PFKFB4: variants seen among roughly 807,000 people sequenced by gnomAD.
PFKFB4 encodes the protein 6-phosphofructo-2-kinase/fructose-2,6-bisphosphatase 4.
PFKFB4 carries 42 observed loss-of-function variants against 62.8 expected under a neutral mutation model. The ratio of observed to expected loss-of-function variants is 0.67; its 90% CI spans 0.52 to 0.86. PFKFB4 has a LOEUF of 0.86. PFKFB4 is among the 40% of genes least tolerant of loss of function. The pLI is 0.00. For synonymous variants in PFKFB4, 204 were observed against 240.7 expected (o/e 0.85, Z 1.41); for missense variants, 475 against 627.2 (o/e 0.76, Z 2.59).
intron 1 of PFKFB4, among the ~76,000 whole-genome samples, chr3:48,553,618 G>A (rs1367586451): frequency 6.6e-6 from 1 of 152,238 alleles, no homozygotes; most frequent in African/African-American, 2.4e-5. Flanking sequence ...GGGCCCAAGG[G>A]GCCTGAGACG....
At chr3:48,546,597 C>T (rs1044410497) in intron 3 of PFKFB4, among the ~76,000 whole-genome samples, 6 of 152,292 alleles carry the variant, frequency 3.9e-5, no homozygotes, top group South Asian at 2.1e-4. Flanking sequence ...TGAGAATGGT[C>T]CCCTTCGAAA....
upstream of PFKFB4, among the ~76,000 whole-genome samples, chr3:48,558,072 C>T (rs1003638859): frequency 6.6e-6 from 1 of 152,122 alleles, no homozygotes; most frequent in Non-Finnish European, 1.5e-5. Context: ...TTAAGTATGT[C>T]AATCTCTAAG....
upstream of PFKFB4, chr3:48,556,988 C>T: frequency 7.2e-7 from 1 of 1,380,836 alleles, no homozygotes; most frequent in Non-Finnish European, 9.3e-7. This position sits in a 1 kb window ranked among gnomAD's most constrained non-coding sequence, Gnocchi z 5.7. Context: ...CTCACCTACC[C>T]GCCCGTTTTG....
intron 9 of PFKFB4, among the ~76,000 whole-genome samples, chr3:48,534,952 G>A (rs1187505108): frequency 6.6e-6 from 1 of 151,972 alleles, no homozygotes; most frequent in Non-Finnish European, 1.5e-5. Context: ...GGGATTACAG[G>A]TACCCACCAC....
chr3:48,525,109 T>TCTCCCCAA (rs929232204), intron 10 of PFKFB4, among the ~76,000 whole-genome samples: 6 of 151,874 alleles, frequency 4.0e-5, no homozygotes, highest in African/African-American at 9.7e-5. Context: ...CCTGCCATGG[T>TCTCCCCAA]CTCCCCAACT....
intron 13 of PFKFB4, 123 bp from the exon 14 acceptor site, chr3:48,519,929 AAG>A: frequency 1.4e-6 from 1 of 733,112 alleles, no homozygotes; most frequent in South Asian, 1.6e-5. Context: ...CCACAGCCGC[AAG>A]ACTCTAGACC....
chr3:48,538,520 A>G lies in PFKFB4; in HGVS notation c.610T>C (p.Ser204Pro), dbSNP rs1398296056. The G allele has an allele frequency of 6.2e-7, 1 of 1,613,672 alleles. No homozygotes were observed. Among genetic ancestry groups the G allele is most frequent in the East Asian group, 2.2e-5 (1 of 44,870 alleles). The change falls in exon 7 of 14, where the codon TCG (serine) becomes CCG (proline). Residue 204 changes from serine to proline, a missense_variant. Physicochemically the swap from Ser to Pro is moderately conservative, Grantham distance 74 (BLOSUM62 -1). Coordinates refer to ENST00000232375, the MANE Select transcript of PFKFB4 (RefSeq NM_004567.4). ...RIECYENSYE[S>P]LDEDLDRDLS... ...CACCTATCCAGGTCCTCATCTAGCG[A>G]CTCGTAGGAGTTCTCATAGCACTCA...
chr3:48,528,879 G>C (rs2042345140), intron 9 of PFKFB4, among the ~76,000 whole-genome samples: 2 of 152,166 alleles, frequency 1.3e-5, no homozygotes, highest in African/African-American at 4.8e-5. Flanking sequence ...GGTAGCTTAA[G>C]GCAGAAGGAA....
chr3:48,545,134 GTGTTTTT>G (rs1441055012), intron 3 of PFKFB4, among the ~76,000 whole-genome samples: 6 of 150,758 alleles, frequency 4.0e-5, no homozygotes, highest in Admixed American at 6.6e-5. Flanking sequence ...TCCTAGCTTT[GTGTTTTT>G]TGTTTTTTGA....
chr3:48,536,058 A>G lies in PFKFB4; in HGVS notation c.840+198T>C, dbSNP rs34961329. Reference sequence around the variant, plus strand: ...GTGAGTGACAGCTCACATGGAAACCAGAGATCCAGGCATTTGCCTGTTGCT... The same window carrying G: ...GTGAGTGACAGCTCACATGGAAACCGGAGATCCAGGCATTTGCCTGTTGCT... On this transcript the variant is annotated intron_variant, in intron 8 of 13. Transcript: ENST00000232375. Among the ~76,000 whole-genome samples the G allele has an allele frequency of 4.9e-4, 75 of 152,384 alleles. 3 individuals carry two copies. In the East Asian group the frequency reaches 9.3e-3, roughly 19 times the overall value.
chr3:48,546,007 CTGTGTGTGTGCG>C (rs1406290828), intron 3 of PFKFB4, among the ~76,000 whole-genome samples: 1 of 151,934 alleles, frequency 6.6e-6, no homozygotes, highest in African/African-American at 2.4e-5. Context: ...GCCTGGGAGC[CTGTGTGTGTGCG>C]TGTGTGTGTG....
intron 3 of PFKFB4, among the ~76,000 whole-genome samples, chr3:48,545,713 C>T (rs1053126163): frequency 2.6e-5 from 4 of 151,976 alleles, no homozygotes; most frequent in African/African-American, 7.3e-5. Context: ...GTGATCCTCC[C>T]GCCACAGCCT....
At chr3:48,526,651 G>A (rs978165427) in intron 9 of PFKFB4, among the ~76,000 whole-genome samples, 5 of 150,824 alleles carry the variant, frequency 3.3e-5, no homozygotes, top group East Asian at 2.0e-4. Context: ...TTTTAAGAAC[G>A]CCATGTAGGC....
At chr3:48,563,059 CA>C (rs1303431250), upstream of PFKFB4, 4 of 1,612,114 alleles carry the variant, frequency 2.5e-6, 1 homozygote, top group Admixed American at 6.7e-5. This position sits in a 1 kb window ranked among gnomAD's most constrained non-coding sequence, Gnocchi z 4.5. Flanking sequence ...GGATAGGGGT[CA>C]CTGGGACAAC....
At chr3:48,524,786 C>T (rs554647761) in intron 10 of PFKFB4, among the ~76,000 whole-genome samples, 6 of 152,118 alleles carry the variant, frequency 3.9e-5, no homozygotes, top group South Asian at 2.1e-4. Flanking sequence ...TGTGTGTTGA[C>T]GGGGTGTATT....
intron 8 of PFKFB4, among the ~76,000 whole-genome samples, 198 bp from the exon 9 acceptor site, chr3:48,535,856 C>A (rs1432132176): frequency 1.3e-5 from 2 of 152,168 alleles, no homozygotes; most frequent in Non-Finnish European, 2.9e-5. Flanking sequence ...CCTCCCAGAC[C>A]CTGAGCACAG....
intron 3 of PFKFB4, among the ~76,000 whole-genome samples, chr3:48,545,522 C>A: frequency 6.6e-6 from 1 of 152,194 alleles, no homozygotes; most frequent in Non-Finnish European, 1.5e-5. Flanking sequence ...GCCTGAAATA[C>A]AGCGGCAGAA....
At chr3:48,523,405 A>C in intron 12 of PFKFB4, 132 bp downstream of exon 12, 2 of 856,510 alleles carry the variant, frequency 2.3e-6, no homozygotes, top group Non-Finnish European at 3.8e-6. Flanking sequence ...GCAAATTGGG[A>C]AAGGTGGTGG....
intron 5 of PFKFB4, 53 bp downstream of exon 5, chr3:48,539,644 G>A (rs886342277): frequency 2.8e-6 from 4 of 1,439,802 alleles, no homozygotes; most frequent in Admixed American, 1.7e-5. Flanking sequence ...GAGCCCTGGA[G>A]GGCAGGGGAC....
Sources: allele counts gnomAD v4.1 joint callset (sites outside exome capture counted in the v4.1 genomes callset), GRCh38; gene constraint gnomAD v4.1.1; non-coding constraint Gnocchi (gnomAD v3.1); transcripts MANE v1.5; gene names NCBI Gene and HGNC (gene_info 2026-07-23, HGNC 2026-07-21).